RIN3: variants seen among roughly 807,000 people sequenced by gnomAD.
The protein encoded by RIN3 is Ras and Rab interactor 3, also known as RAB5 interacting protein 3.
In RIN3, 54 loss-of-function variants were observed where a neutral mutation model predicts 76.3. The ratio of observed to expected loss-of-function variants is 0.71; its 90% CI spans 0.57 to 0.89. The LOEUF is 0.89. RIN3 is among the 40% of genes least tolerant of loss of function. RIN3 has a pLI of 0.00. For synonymous variants in RIN3, 576 were observed against 564.0 expected (o/e 1.02, Z -0.30); for missense variants, 1,256 against 1,322.1 (o/e 0.95, Z 0.78).
rs910476377 is a variant in RIN3, at chr14:92,636,250, AAGAG to A, written c.441-4980_441-4977del. Among the ~76,000 whole-genome samples the A allele has an allele frequency of 1.9e-4, 29 of 152,238 alleles. No homozygotes were observed. In the South Asian group the frequency reaches 5.0e-3, roughly 26 times the overall value. ...ACAGAAAGAAAGAGAGAGGGAGGGA[AAGAG>A]AGAGAGAAAGAAAGAAAGCTTGGAT... On this transcript the variant is annotated intron_variant, in intron 4 of 9. Coordinates refer to ENST00000216487, the MANE Select transcript of RIN3 (RefSeq NM_024832.5).
chr14:92,540,316 G>A (rs1374272127), intron 1 of RIN3, among the ~76,000 whole-genome samples: 1 of 152,178 alleles, frequency 6.6e-6, no homozygotes, highest in Non-Finnish European at 1.5e-5. Flanking sequence ...CCGAGGGTCG[G>A]GGGTCTTAGG....
chr14:92,570,838 A>G (rs368566274), intron 2 of RIN3, among the ~76,000 whole-genome samples: 6 of 152,292 alleles, frequency 3.9e-5, no homozygotes, highest in East Asian at 3.9e-4. Flanking sequence ...GCAGGATGAC[A>G]TTTTCCATAT....
chr14:92,520,824 C>T (rs900060695), intron 1 of RIN3, among the ~76,000 whole-genome samples: 5 of 152,204 alleles, frequency 3.3e-5, no homozygotes, highest in Admixed American at 6.5e-5. Flanking sequence ...GGACCTTTTC[C>T]CCTAACCTCC....
intron 3 of RIN3, among the ~76,000 whole-genome samples, chr14:92,581,990 G>A (rs571809211): frequency 6.6e-6 from 1 of 152,172 alleles, no homozygotes; most frequent in South Asian, 2.1e-4. Context: ...GACAGCACCC[G>A]GGGGATGGTG....
At chr14:92,639,324 TG>T (rs1417513474) in intron 4 of RIN3, among the ~76,000 whole-genome samples, 3 of 152,256 alleles carry the variant, frequency 2.0e-5, no homozygotes, top group Admixed American at 2.0e-4. Context: ...CATCAGGATT[TG>T]GGGAGAAGGT....
intron 3 of RIN3, among the ~76,000 whole-genome samples, chr14:92,591,130 G>T (rs1884963553): frequency 6.6e-6 from 1 of 152,180 alleles, no homozygotes; most frequent in African/African-American, 2.4e-5. Flanking sequence ...TAAGCGGAGA[G>T]ATGGAAGTTC....
At position 92,652,190 on chromosome 14, in the gene RIN3, A is replaced by C. The variant is rs1262388428; in HGVS notation, c.1141A>C (p.Asn381His). Residue 381 changes from asparagine (N) to histidine (H), a missense_variant, in exon 6 of 10, where the codon AAC becomes CAC. Coordinates refer to ENST00000216487, the MANE Select transcript of RIN3 (RefSeq NM_024832.5). The surrounding 1 kb of genome is among the most constrained non-coding windows in gnomAD (Gnocchi z 6.4). ...VPAPPLPAKKNLPTAPPRRRV... is the reference protein window; with the variant it reads ...VPAPPLPAKKHLPTAPPRRRV... Reference sequence around the variant, plus strand: ...CGCCCCGCCACTGCCTGCGAAGAAGAACCTTCCCACTGCCCCTCCCAGACG... The same window carrying C: ...CGCCCCGCCACTGCCTGCGAAGAAGCACCTTCCCACTGCCCCTCCCAGACG... The C allele has an allele frequency of 4.4e-6, 7 of 1,604,984 alleles. No homozygotes were observed. Among genetic ancestry groups the C allele is most frequent in the Admixed American group, 3.4e-5 (2 of 59,536 alleles).
rs555050160 is a variant in RIN3, at chr14:92,677,655, A to G, written c.2467+1049A>G. 2.0e-5 allele frequency among the ~76,000 whole-genome samples: 3 copies of G among 152,142 alleles called. No individual in the cohort carries two copies. In the South Asian group the frequency reaches 6.2e-4, roughly 32 times the overall value. Reference sequence around the variant, plus strand: ...GTAGTTAAAAATGTCCTGTAATGGGAACAAGTTGTCTTCTAGGAAGTCCAG... The same window carrying G: ...GTAGTTAAAAATGTCCTGTAATGGGGACAAGTTGTCTTCTAGGAAGTCCAG... On this transcript the variant is annotated intron_variant, in intron 8 of 9. Transcript: ENST00000216487.
At chr14:92,602,879 G>T (rs1595447914) in intron 3 of RIN3, among the ~76,000 whole-genome samples, 1 of 152,262 alleles carries the variant, frequency 6.6e-6, no homozygotes, top group Admixed American at 6.5e-5. Context: ...CATGGGGAGG[G>T]TGCAGAGCTA....
chr14:92,567,333 A>T (rs564795208), intron 2 of RIN3, among the ~76,000 whole-genome samples: 1 of 152,334 alleles, frequency 6.6e-6, no homozygotes, highest in South Asian at 2.1e-4. Flanking sequence ...ATATTTGCTC[A>T]CAATTCTATG....
intron 1 of RIN3, among the ~76,000 whole-genome samples, chr14:92,552,826 C>T (rs1467240817): frequency 4.0e-5 from 6 of 151,824 alleles, no homozygotes; most frequent in African/African-American, 1.5e-4. Context: ...GTTTATTGCC[C>T]GCCTCTTCCC....
intron 1 of RIN3, among the ~76,000 whole-genome samples, chr14:92,553,605 C>A (rs1226934479): frequency 6.6e-6 from 1 of 152,054 alleles, no homozygotes; most frequent in East Asian, 1.9e-4. Flanking sequence ...TTCCTGGTGA[C>A]CTGGCTCCTT....
chr14:92,647,286 G>C (rs1364592929), intron 5 of RIN3, among the ~76,000 whole-genome samples: 1 of 152,180 alleles, frequency 6.6e-6, no homozygotes, highest in African/African-American at 2.4e-5. Flanking sequence ...GAAAGTGCAG[G>C]CTATATAAGG....
At chr14:92,536,687 A>G (rs1897008012) in intron 1 of RIN3, among the ~76,000 whole-genome samples, 1 of 147,774 alleles carries the variant, frequency 6.8e-6, no homozygotes, top group African/African-American at 2.5e-5. Context: ...GGTTGCTGTG[A>G]GCTGAGATCG....
chr14:92,665,635 C>G (rs1247001876), intron 7 of RIN3, among the ~76,000 whole-genome samples: 1 of 152,116 alleles, frequency 6.6e-6, no homozygotes, highest in Admixed American at 6.6e-5. Context: ...CCCACCTCGG[C>G]CTCTCAAAGT....
chr14:92,530,464 G>A (rs1288884877), intron 1 of RIN3, among the ~76,000 whole-genome samples: 1 of 152,224 alleles, frequency 6.6e-6, no homozygotes, highest in Admixed American at 6.5e-5. Context: ...ACTAATTGCA[G>A]CGATTATGTC....
At chr14:92,627,554 C>T (rs1181597085) in intron 4 of RIN3, among the ~76,000 whole-genome samples, 2 of 152,254 alleles carry the variant, frequency 1.3e-5, no homozygotes, top group Non-Finnish European at 2.9e-5. Context: ...ATCCCGACCA[C>T]CAATGAAATA....
At position 92,687,910 on chromosome 14, in the gene RIN3, C is replaced by T. The variant is rs1888925286; in HGVS notation, c.2632-16C>T. On this transcript the variant is annotated splice_polypyrimidine_tract_variant and intron_variant, in intron 9 of 9. Coordinates refer to ENST00000216487, the MANE Select transcript of RIN3 (RefSeq NM_024832.5). ...CAGGGCCCCGCCGTGACCACAGGCC[C>T]CTCGCGTCTCCGCAGGACTTCATCT... The T allele has an allele frequency of 1.3e-6, 2 of 1,530,766 alleles. No individual in the cohort carries two copies. Among genetic ancestry groups the T allele is most frequent in the Non-Finnish European group, 1.8e-6 (2 of 1,140,010 alleles). The allele number at this position is 1,530,766 out of a possible 1,614,324, so 94.8% of individuals were successfully genotyped here. A position where few individuals can be genotyped will look rare whatever the true frequency, so the allele number is the denominator to read the frequency against.
intron 3 of RIN3, among the ~76,000 whole-genome samples, chr14:92,597,827 T>C (rs1195993318): frequency 6.6e-6 from 1 of 152,202 alleles, no homozygotes; most frequent in Non-Finnish European, 1.5e-5. Flanking sequence ...CCTACTGAGT[T>C]ATGACGCAAA....
Sources: gnomAD v4.1 joint callset for allele counts (sites outside exome capture counted in the v4.1 genomes callset) on GRCh38, gnomAD v4.1.1 for gene constraint, Gnocchi (gnomAD v3.1) non-coding constraint, MANE v1.5 for transcripts, NCBI Gene and HGNC (gene_info 2026-07-23, HGNC 2026-07-21) for gene names.